SYNDIG1: variants seen among roughly 807,000 people sequenced by gnomAD.
The protein encoded by SYNDIG1 is synapse differentiation inducing 1, also known as synapse differentiation-inducing gene protein 1.
A neutral mutation model predicts 19.4 loss-of-function variants in SYNDIG1; 9 were observed. The observed-to-expected ratio is 0.46, with a 90% CI of 0.28 to 0.81. The LOEUF is 0.81. Ranked by LOEUF, SYNDIG1 falls within the 30% of genes least tolerant of loss-of-function variation. The pLI is 0.12. For missense variants in SYNDIG1, 311 were observed against 343.3 expected (o/e 0.91, Z 0.74); for synonymous variants, 141 against 145.9 (o/e 0.97, Z 0.24).
intron 1 of SYNDIG1, among the ~76,000 whole-genome samples, chr20:24,479,964 A>G (rs963499215): frequency 6.6e-6 from 1 of 152,162 alleles, no homozygotes. Flanking sequence ...ATGTGCACAC[A>G]CAAATGCCTG....
At chr20:24,519,726 T>C (rs2056963030) in intron 1 of SYNDIG1, among the ~76,000 whole-genome samples, 1 of 152,186 alleles carries the variant, frequency 6.6e-6, no homozygotes, top group Non-Finnish European at 1.5e-5. Flanking sequence ...GTATTACTCA[T>C]GCAACCCTCA....
chr20:24,544,600 A>G lies in SYNDIG1; in HGVS notation c.480+1023A>G, dbSNP rs377068217. On this transcript the variant is annotated intron_variant, in intron 2 of 3. Transcript: ENST00000376862. Reference sequence around the variant, plus strand: ...GGGAGGCAGGAGCTGAACTCCAAGCATGTATGTGTGAGAGCTGGCCTCTCA... The same window carrying G: ...GGGAGGCAGGAGCTGAACTCCAAGCGTGTATGTGTGAGAGCTGGCCTCTCA... Among the ~76,000 whole-genome samples, 86 of 152,122 alleles carry G rather than the reference A, an allele frequency of 5.7e-4. 1 individual carries two copies. The East Asian group carries it at 0.016, about 29-fold the overall frequency.
At chr20:24,642,654 C>T (rs2059389400) in intron 3 of SYNDIG1, among the ~76,000 whole-genome samples, 2 of 151,886 alleles carry the variant, frequency 1.3e-5, no homozygotes, top group South Asian at 4.2e-4. Context: ...CTGCTTTGAC[C>T]CTTGGGAGCT....
intron 1 of SYNDIG1, among the ~76,000 whole-genome samples, chr20:24,510,774 G>A (rs984080838): frequency 3.3e-5 from 5 of 152,142 alleles, no homozygotes; most frequent in Middle Eastern, 3.4e-3. Context: ...CATTCTCAAT[G>A]TTCTCTCAGT....
chr20:24,623,007 A>G (rs1057113505), intron 3 of SYNDIG1, among the ~76,000 whole-genome samples: 1 of 152,212 alleles, frequency 6.6e-6, no homozygotes, highest in Non-Finnish European at 1.5e-5. Context: ...CTTTAGAGAA[A>G]CAAGGATTAA....
At chr20:24,653,647 T>G (rs1003570340) in intron 3 of SYNDIG1, among the ~76,000 whole-genome samples, 1 of 152,168 alleles carries the variant, frequency 6.6e-6, no homozygotes, top group Admixed American at 6.5e-5. Context: ...GTTAGGGGAT[T>G]TATCCCTGGA....
intron 3 of SYNDIG1, among the ~76,000 whole-genome samples, chr20:24,644,890 G>A (rs2059409385): frequency 6.6e-6 from 1 of 152,128 alleles, no homozygotes; most frequent in African/African-American, 2.4e-5. Flanking sequence ...CTGAAGACTG[G>A]TGTATATTAA....
intron 3 of SYNDIG1, among the ~76,000 whole-genome samples, chr20:24,619,532 G>C (rs2059004242): frequency 1.3e-5 from 2 of 152,256 alleles, no homozygotes; most frequent in African/African-American, 4.8e-5. Flanking sequence ...CCTGTTCGTA[G>C]ATGATTCTCA....
At chr20:24,527,068 G>A (rs149164750) in intron 1 of SYNDIG1, among the ~76,000 whole-genome samples, 13 of 152,274 alleles carry the variant, frequency 8.5e-5, no homozygotes, top group East Asian at 1.9e-4. Context: ...CACAGGTAGC[G>A]TCCTTTGAGG....
chr20:24,572,398 T>A (rs2146948569), intron 2 of SYNDIG1, among the ~76,000 whole-genome samples: 1 of 152,336 alleles, frequency 6.6e-6, no homozygotes, highest in Middle Eastern at 3.4e-3. Flanking sequence ...CTCAGGGTTC[T>A]CCTGTGCCAC....
At chr20:24,590,504 A>G (rs2058492417) in intron 3 of SYNDIG1, among the ~76,000 whole-genome samples, 1 of 152,108 alleles carries the variant, frequency 6.6e-6, no homozygotes, top group Non-Finnish European at 1.5e-5. Flanking sequence ...CAGGGCGACG[A>G]CGGCAGTGGT....
chr20:24,641,333 A>C (rs1427773703), intron 3 of SYNDIG1, among the ~76,000 whole-genome samples: 1 of 152,204 alleles, frequency 6.6e-6, no homozygotes, highest in Non-Finnish European at 1.5e-5. Flanking sequence ...AGATACATAA[A>C]TATAGCAAAA....
At chr20:24,506,366 C>T (rs895018318) in intron 1 of SYNDIG1, among the ~76,000 whole-genome samples, 3 of 152,216 alleles carry the variant, frequency 2.0e-5, no homozygotes, top group Non-Finnish European at 4.4e-5. Flanking sequence ...TGTGATGCCA[C>T]GTCTGAGTTG....
At chr20:24,497,271 G>A (rs1237092910) in intron 1 of SYNDIG1, among the ~76,000 whole-genome samples, 1 of 152,048 alleles carries the variant, frequency 6.6e-6, no homozygotes, top group African/African-American at 2.4e-5. Context: ...ATGCGATCTC[G>A]GCTCACTGCA....
At chr20:24,590,491 G>T (rs2147069386) in intron 3 of SYNDIG1, among the ~76,000 whole-genome samples, 1 of 152,268 alleles carries the variant, frequency 6.6e-6, no homozygotes, top group African/African-American at 2.4e-5. Context: ...GGAGGGGGAG[G>T]CGCAGGGCGA....
At position 24,625,527 on chromosome 20, in the gene SYNDIG1, T is replaced by C. The variant is rs2059111703; in HGVS notation, c.619-39819T>C. ...CTGGTTTTCCTAGGCAGAGTGTTTG[T>C]GTCCCTGGGTACTTGAGATTAGGGA... On this transcript the variant is annotated intron_variant, in intron 3 of 3. Transcript: ENST00000376862. 3.3e-5 allele frequency among the ~76,000 whole-genome samples: 5 copies of C among 152,018 alleles called. No homozygotes were observed. In the South Asian group the frequency reaches 1.0e-3, roughly 32 times the overall value.
intron 1 of SYNDIG1, among the ~76,000 whole-genome samples, chr20:24,527,649 A>AG (rs11478712): frequency 6.6e-6 from 1 of 151,016 alleles, no homozygotes; most frequent in Non-Finnish European, 1.5e-5. Flanking sequence ...TAAATTGGGG[A>AG]GGGGGTCTTT....
intron 3 of SYNDIG1, among the ~76,000 whole-genome samples, chr20:24,626,825 G>A (rs1600783186): frequency 6.6e-6 from 1 of 152,240 alleles, no homozygotes; most frequent in South Asian, 2.1e-4. Context: ...TGCAATCCCG[G>A]CACCTCGGGA....
intron 1 of SYNDIG1, among the ~76,000 whole-genome samples, chr20:24,496,480 T>C (rs2056308666): frequency 1.3e-5 from 2 of 152,242 alleles, no homozygotes; most frequent in Non-Finnish European, 2.9e-5. Context: ...CCTTTTTGAT[T>C]CTAAAAGCAT....
Sources: allele counts gnomAD v4.1 joint callset (sites outside exome capture counted in the v4.1 genomes callset), GRCh38; gene constraint gnomAD v4.1.1; transcripts MANE v1.5; gene names NCBI Gene and HGNC (gene_info 2026-07-23, HGNC 2026-07-21).